The following MICAL3 variants were observed in gnomAD, a reference collection of about 807,000 sequenced individuals.
MICAL3 encodes [F-actin]-monooxygenase MICAL3.
MICAL3 carries 62 observed loss-of-function variants against 207.4 expected under a neutral mutation model. The observed-to-expected ratio is 0.30, with a 90% CI of 0.24 to 0.37. MICAL3 has a LOEUF of 0.37. MICAL3 is among the 10% of genes least tolerant of loss of function. MICAL3 has a pLI of 1.00. For synonymous variants in MICAL3, 1,077 were observed against 1,069.3 expected, an observed-to-expected ratio of 1.01 and a Z score of -0.14; for missense variants, 2,368 against 2,635.6, an observed-to-expected ratio of 0.90 and a Z score of 2.22.
chr22:17,916,578 G>A (rs1307989123), intron 1 of MICAL3, among the ~76,000 whole-genome samples: 1 of 152,170 alleles, frequency 6.6e-6, no homozygotes, highest in African/African-American at 2.4e-5. Context: ...GGTCATGAAT[G>A]ACTTCCATGC....
Position 17,819,107 on chromosome 22 carries a change from G to A in MICAL3, c.3554C>T (p.Pro1185Leu), listed in dbSNP as rs369298683. 1 of 1,500,536 alleles carries A rather than the reference G, an allele frequency of 6.7e-7. No individual in the cohort carries two copies. The highest frequency in any genetic ancestry group is 8.9e-7 in the Non-Finnish European group (1 of 1,121,698). 93.0% of individuals were successfully genotyped at this position (1,500,536 alleles called of 1,614,324 possible). The change falls in exon 26 of 32, where the codon CCT becomes CTT. Residue 1185 changes from proline (P) to leucine (L), a missense_variant. Physicochemically the swap from Pro to Leu is moderately conservative, Grantham distance 98 (BLOSUM62 -3). Coordinates refer to ENST00000441493, the MANE Select transcript of MICAL3 (RefSeq NM_015241.3). ...AGGTGATTTCTCCTGGGTGGCGGCA[G>A]GGACAGGTGGGAGTTGGGGCCCCTA... ...STEGPQLPPV[P>L]AATQEKSPEE...
intron 25 of MICAL3, among the ~76,000 whole-genome samples, chr22:17,821,216 G>A (rs1921610203): frequency 6.6e-6 from 1 of 152,030 alleles, no homozygotes; most frequent in African/African-American, 2.4e-5. Flanking sequence ...GTACTGAGCT[G>A]GAACTCCAAG....
intron 1 of MICAL3, among the ~76,000 whole-genome samples, chr22:17,975,922 A>G (rs574083353): frequency 1.2e-4 from 19 of 152,244 alleles, no homozygotes; most frequent in African/African-American, 4.6e-4. Flanking sequence ...GTGGCAGTAC[A>G]TACCTGTAAT....
intron 20 of MICAL3, among the ~76,000 whole-genome samples, chr22:17,836,570 G>A (rs150933055): frequency 1.3e-5 from 2 of 151,990 alleles, no homozygotes; most frequent in East Asian, 1.9e-4. Context: ...AACCTGAGAA[G>A]TGCAGACCAG....
At chr22:17,864,313 C>T in intron 19 of MICAL3, 2 of 1,147,048 alleles carry the variant, frequency 1.7e-6, no homozygotes. Context: ...GGGGTCAGGA[C>T]AGGGCATGTC....
chr22:17,864,829 ATGCCCT>A (rs1274442560), intron 19 of MICAL3, 64 bp downstream of exon 19: 14 of 1,613,810 alleles, frequency 8.7e-6, no homozygotes, highest in Non-Finnish European at 1.0e-5. Context: ...GTGCTGGCTC[ATGCCCT>A]TGGCCTTGTC....
intron 29 of MICAL3, among the ~76,000 whole-genome samples, chr22:17,804,255 T>C (rs2061968265): frequency 6.6e-6 from 1 of 152,124 alleles, no homozygotes; most frequent in Non-Finnish European, 1.5e-5. Flanking sequence ...TGCGTGTCAG[T>C]TGCTGATACT....
At position 17,900,030 on chromosome 22, in the gene MICAL3, CAA is replaced by C. The variant is rs1334580062; in HGVS notation, c.848-484_848-483del. 1.3e-5 allele frequency among the ~76,000 whole-genome samples: 2 copies of C among 152,280 alleles called. No homozygotes were observed. The highest frequency in any genetic ancestry group is 4.8e-5 in the African/African-American group (2 of 41,550). On this transcript the variant is annotated intron_variant, in intron 6 of 31. Transcript: ENST00000441493. This position sits in a 1 kb window ranked among gnomAD's most constrained non-coding sequence, Gnocchi z 4.0. ...TGAAAAGAAATCAAGTTCTAGAAAA[CAA>C]GAGAATGAAGGCACATTTAGCAAAA... is the stretch of plus-strand genomic sequence containing the variant.
At chr22:17,864,122 A>G (rs1366968262) in intron 19 of MICAL3, 2 of 986,818 alleles carry the variant, frequency 2.0e-6, no homozygotes, top group African/African-American at 3.5e-5. Flanking sequence ...TTTAAGGAAA[A>G]TCTACATAAT....
rs200407959 is a variant in MICAL3 at position 17,872,810 on chromosome 22, C to A, written c.2242-787G>T. 119 of 1,613,730 alleles carry A rather than the reference C, an allele frequency of 7.4e-5. No individual in the cohort carries two copies. In the East Asian group the frequency reaches 1.8e-3, roughly 24 times the overall value. ...TCCTTTGAAGCTGATTGGCTATCTG[C>A]TCAGCCAATGAGCTCACTCCGCCCG... is the stretch of plus-strand genomic sequence containing the variant. On this transcript the variant is annotated intron_variant, in intron 16 of 31. Coordinates refer to ENST00000441493, the MANE Select transcript of MICAL3 (RefSeq NM_015241.3).
intron 19 of MICAL3, among the ~76,000 whole-genome samples, chr22:17,846,651 G>C (rs1029586513): frequency 6.6e-6 from 1 of 152,206 alleles, no homozygotes; most frequent in Non-Finnish European, 1.5e-5. Flanking sequence ...TTGCCAAGCC[G>C]AAGTGCACCC....
intron 16 of MICAL3, chr22:17,876,832 AGGTTAG>A (rs1928506801): frequency 7.7e-6 from 1 of 129,038 alleles, no homozygotes; most frequent in Non-Finnish European, 1.6e-5. Flanking sequence ...GAGGTTATGG[AGGTTAG>A]GGAGGTTAGG....
intron 1 of MICAL3, among the ~76,000 whole-genome samples, chr22:17,912,476 T>G (rs1297292949): frequency 6.6e-6 from 1 of 152,238 alleles, no homozygotes; most frequent in Non-Finnish European, 1.5e-5. Flanking sequence ...CCCATAAGCG[T>G]GAATTTGTTC....
At chr22:17,991,823 C>T (rs1921714540) in intron 1 of MICAL3, among the ~76,000 whole-genome samples, 1 of 152,124 alleles carries the variant, frequency 6.6e-6, no homozygotes, top group East Asian at 1.9e-4. Context: ...AAATACAGCA[C>T]ATGACAAAGA....
chr22:17,923,263 C>T (rs1445498639), intron 1 of MICAL3, among the ~76,000 whole-genome samples: 1 of 152,190 alleles, frequency 6.6e-6, no homozygotes, highest in African/African-American at 2.4e-5. Flanking sequence ...AGGGGTGACC[C>T]TACCCTGTCC....
intron 27 of MICAL3, chr22:17,814,730 T>C (rs1434501193): frequency 1.3e-5 from 2 of 152,174 alleles, no homozygotes; most frequent in Non-Finnish European, 2.9e-5. Flanking sequence ...ATTCATCCCC[T>C]AGCCTGGCCG....
At chr22:17,859,036 G>A (rs73386309) in intron 19 of MICAL3, among the ~76,000 whole-genome samples, 6,769 of 152,272 alleles carry the variant, frequency 0.044, 441 homozygotes, top group African/African-American at 0.15. Flanking sequence ...TCAGAGAAAG[G>A]GGAGCCAGAG....
intron 1 of MICAL3, among the ~76,000 whole-genome samples, chr22:17,940,855 T>A (rs914360276): frequency 6.6e-6 from 1 of 152,122 alleles, no homozygotes; most frequent in African/African-American, 2.4e-5. Flanking sequence ...CAAGAGGTAT[T>A]TAATCAGGGT....
rs1601988322 is a variant in MICAL3 at position 17,827,737 on chromosome 22, G to A, written c.3100C>T (p.Leu1034=). The stretch of plus-strand genomic sequence containing the variant: ...CAGTGCACGTCAGCCTGGATCTCCA[G>A]AGGATCCGCCGCGTGCATGACCTGC... ...LQQVMHAADP[L]EIQADVHWTH... Residue 1034 remains leucine, a synonymous_variant, in exon 22 of 32, where the codon CTG becomes TTG. Coordinates refer to ENST00000441493, the MANE Select transcript of MICAL3 (RefSeq NM_015241.3). The A allele has an allele frequency of 6.4e-7, 1 of 1,566,632 alleles. No homozygotes were observed. The highest frequency in any genetic ancestry group is 8.7e-7 in the Non-Finnish European group (1 of 1,155,956).
Sources: allele counts gnomAD v4.1 joint callset (sites outside exome capture counted in the v4.1 genomes callset), GRCh38; gene constraint gnomAD v4.1.1; non-coding constraint Gnocchi (gnomAD v3.1); transcripts MANE v1.5; gene names NCBI Gene and HGNC (gene_info 2026-07-23, HGNC 2026-07-21).